The following SLCO1B1 variants were observed in gnomAD, a reference collection of about 807,000 sequenced individuals.
SLCO1B1 encodes solute carrier organic anion transporter family member 1B1, also known as OATP-2.
A neutral mutation model predicts 70.1 loss-of-function variants in SLCO1B1; 81 were observed. The ratio of observed to expected loss-of-function variants is 1.16; its 90% CI spans 0.97 to 1.39. SLCO1B1 has a LOEUF of 1.39. Ranked by LOEUF, SLCO1B1 falls within the 40% of genes most tolerant of loss-of-function variation. SLCO1B1 has a pLI of 0.00. For synonymous variants in SLCO1B1, 283 were observed against 271.5 expected, an observed-to-expected ratio of 1.04 and a Z score of -0.42; for missense variants, 895 against 799.6, an observed-to-expected ratio of 1.12 and a Z score of -1.44.
At chr12:21,186,810 A>G (rs1940967898) in intron 7 of SLCO1B1, among the ~76,000 whole-genome samples, 2 of 152,136 alleles carry the variant, frequency 1.3e-5, no homozygotes, top group Admixed American at 1.3e-4. Context: ...CTTTTATAAG[A>G]AAGGCATAAC....
chr12:21,133,617 G>C (rs1354188311), intron 1 of SLCO1B1, among the ~76,000 whole-genome samples: 3 of 152,094 alleles, frequency 2.0e-5, no homozygotes, highest in South Asian at 2.1e-4. Flanking sequence ...GTTCACTCAT[G>C]ATTTGGCTCT....
At chr12:21,199,275 T>A (rs1350593597) in intron 8 of SLCO1B1, among the ~76,000 whole-genome samples, 1 of 152,182 alleles carries the variant, frequency 6.6e-6, no homozygotes, top group Non-Finnish European at 1.5e-5. Context: ...ATATCTTGGC[T>A]CTGTCTTGAT....
intron 14 of SLCO1B1, among the ~76,000 whole-genome samples, chr12:21,226,657 A>G (rs1023893470): frequency 2.0e-5 from 3 of 152,132 alleles, no homozygotes; most frequent in East Asian, 1.9e-4. Context: ...TGTCAAACCT[A>G]TGGACCCATA....
At position 21,199,559 on chromosome 12, in the gene SLCO1B1, A is replaced by G. The variant is rs186472207; in HGVS notation, c.971-949A>G. Reference sequence around the variant, plus strand: ...GCCAAATTTACTGAGAAAGTATGTTATGGTAGAAGAGCTGTATACTAGAGA... The same window carrying G: ...GCCAAATTTACTGAGAAAGTATGTTGTGGTAGAAGAGCTGTATACTAGAGA... On this transcript the variant is annotated intron_variant, in intron 8 of 14. Transcript: ENST00000256958. Among the ~76,000 whole-genome samples the G allele has an allele frequency of 9.8e-5, 15 of 152,290 alleles. No homozygotes were observed. In the East Asian group the frequency reaches 2.9e-3, roughly 29 times the overall value.
chr12:21,233,811 C>T (rs903800738), intron 14 of SLCO1B1, among the ~76,000 whole-genome samples: 7 of 152,186 alleles, frequency 4.6e-5, no homozygotes, highest in East Asian at 3.9e-4. Flanking sequence ...CCAGAGTCAG[C>T]CCACAGTCCA....
At chr12:21,163,219 A>G (rs1185254112) in intron 2 of SLCO1B1, among the ~76,000 whole-genome samples, 1 of 152,010 alleles carries the variant, frequency 6.6e-6, no homozygotes, top group Non-Finnish European at 1.5e-5. Flanking sequence ...TTTTAATGAC[A>G]TTTCCTATAT....
intron 7 of SLCO1B1, among the ~76,000 whole-genome samples, chr12:21,196,142 G>A (rs1941089464): frequency 6.6e-6 from 1 of 152,054 alleles, no homozygotes; most frequent in Non-Finnish European, 1.5e-5. Flanking sequence ...CTAGCTTCTG[G>A]ATTTTCCACT....
Position 21,134,088 on chromosome 12 carries a change from G to A in SLCO1B1, c.-62+2852G>A, listed in dbSNP as rs1162037295. On this transcript the variant is annotated intron_variant, in intron 1 of 14. Coordinates refer to ENST00000256958, the MANE Select transcript of SLCO1B1 (RefSeq NM_006446.5). ...AGGCCTTTTCTGCATCTATTGAGAT[G>A]ATCATGTAGTTTTTGTCTTTGGTTC... Among the ~76,000 whole-genome samples the A allele has an allele frequency of 5.3e-5, 8 of 152,138 alleles. No individual in the cohort carries two copies. The South Asian group carries it at 1.7e-3, about 32-fold the overall frequency.
chr12:21,202,365 TTAAAG>T lies in SLCO1B1; in HGVS notation c.1136-121_1136-117del, dbSNP rs1941168319. The stretch of plus-strand genomic sequence containing the variant: ...ACATTCTGCACATGTATCCCAGAAC[TTAAAG>T]TAAAATTTTAAAAAGAAGCAATAAT... On this transcript the variant is annotated intron_variant, in intron 9 of 14. Transcript: ENST00000256958. 3.0e-5 allele frequency: 20 copies of T among 673,484 alleles called. 2 individuals carry two copies. In the South Asian group the frequency reaches 4.0e-4, roughly 13 times the overall value. The allele number at this position is 673,484 out of a possible 1,614,324, so 41.7% of individuals were successfully genotyped here. A position where few individuals can be genotyped will look rare whatever the true frequency, so the allele number is the denominator to read the frequency against.
chr12:21,131,454 C>T (rs898496128), intron 1 of SLCO1B1, among the ~76,000 whole-genome samples: 1 of 151,852 alleles, frequency 6.6e-6, no homozygotes, highest in African/African-American at 2.4e-5. Flanking sequence ...GAAAATAATA[C>T]CTTTATATAT....
At chr12:21,165,555 A>T (rs183321569) in intron 2 of SLCO1B1, among the ~76,000 whole-genome samples, 80 of 152,298 alleles carry the variant, frequency 5.3e-4, no homozygotes, top group Admixed American at 1.0e-3. Flanking sequence ...ATTTACAAGA[A>T]GTTGTTATGG....
At position 21,217,203 on chromosome 12, in the gene SLCO1B1, G is replaced by T; in HGVS notation, c.1582G>T (p.Asp528Tyr). The T allele has an allele frequency of 6.2e-7, 1 of 1,613,760 alleles. No homozygotes were observed. Among genetic ancestry groups the T allele is most frequent in the Non-Finnish European group, 8.5e-7 (1 of 1,179,722 alleles). The change falls in exon 12 of 15, where the codon GAT (aspartate) becomes TAT (tyrosine). Residue 528 changes from aspartate to tyrosine, a missense_variant. Transcript: ENST00000256958. ...CCATTTGGGTGAATGCCCAAGAGAT[G>T]ATGCTTGTACAAGGAAATTTTACTT... ...SAHLGECPRDDACTRKFYFFV... is the reference protein window; with the variant it reads ...SAHLGECPRDYACTRKFYFFV...
chr12:21,203,689 C>T (rs1465957481), intron 10 of SLCO1B1, among the ~76,000 whole-genome samples: 1 of 152,090 alleles, frequency 6.6e-6, no homozygotes, highest in Non-Finnish European at 1.5e-5. Context: ...CTCCTATCCA[C>T]CATCAACTAC....
chr12:21,219,294 A>G (rs902281868), intron 12 of SLCO1B1, among the ~76,000 whole-genome samples: 6 of 152,222 alleles, frequency 3.9e-5, no homozygotes, highest in African/African-American at 1.4e-4. Flanking sequence ...ATGAAGAGAT[A>G]GAAAATAAAG....
At chr12:21,197,658 T>C (rs1379066292) in intron 8 of SLCO1B1, among the ~76,000 whole-genome samples, 1 of 152,130 alleles carries the variant, frequency 6.6e-6, no homozygotes, top group African/African-American at 2.4e-5. Context: ...TTAAGTATTA[T>C]GGTGAAATTA....
At chr12:21,208,555 G>C (rs1278839742) in intron 11 of SLCO1B1, among the ~76,000 whole-genome samples, 1 of 152,028 alleles carries the variant, frequency 6.6e-6, no homozygotes, top group African/African-American at 2.4e-5. Context: ...TTGATATCAG[G>C]TAATGGGATG....
At chr12:21,205,808 C>A in intron 10 of SLCO1B1, 60 bp from the exon 11 acceptor site, 1 of 1,285,096 alleles carries the variant, frequency 7.8e-7, no homozygotes, top group Admixed American at 1.8e-5. Flanking sequence ...TTCTCCTCCC[C>A]TTCTTTGTCT....
At position 21,217,186 on chromosome 12, in the gene SLCO1B1, G is replaced by GTGAA. The variant is rs1419422245; in HGVS notation, c.1568_1571dup (p.Cys524Ter). 1.2e-6 allele frequency: 2 copies of GTGAA among 1,613,624 alleles called. No individual in the cohort carries two copies. The highest frequency in any genetic ancestry group is 4.5e-5 in the East Asian group (2 of 44,824). ...AACAGAAATTACTCAGCCCATTTGG[G>GTGAA]TGAATGCCCAAGAGATGATGCTTGT... On this transcript the variant is annotated frameshift_variant, in exon 12 of 15. Coordinates refer to ENST00000256958, the MANE Select transcript of SLCO1B1 (RefSeq NM_006446.5). LOFTEE classifies it high-confidence loss of function.
chr12:21,174,635 G>A lies in SLCO1B1; in HGVS notation c.285G>A (p.Lys95=), dbSNP rs1940797052. The A allele has an allele frequency of 6.2e-7, 1 of 1,610,622 alleles. No homozygotes were observed. The highest frequency in any genetic ancestry group is 8.5e-7 in the Non-Finnish European group (1 of 1,178,508). ...SYFGSKLHRP[K]LIGIGCFIMG... The stretch of plus-strand genomic sequence containing the variant: ...TTGGATCCAAACTACATAGACCAAA[G>A]TTAATTGGAATCGGTTGTTTCATTA... The change falls in exon 4 of 15, where the codon AAG becomes AAA. Residue 95 remains lysine, a synonymous_variant. Transcript: ENST00000256958.
Sources: allele counts gnomAD v4.1 joint callset (sites outside exome capture counted in the v4.1 genomes callset), GRCh38; gene constraint gnomAD v4.1.1; transcripts MANE v1.5; gene names NCBI Gene and HGNC (gene_info 2026-07-23, HGNC 2026-07-21).